WASF1: variants seen among roughly 807,000 people sequenced by gnomAD.
WASF1 encodes the protein actin-binding protein WASF1.
Under a neutral mutation model 50.5 loss-of-function variants are expected in WASF1, and 7 were observed. The ratio of observed to expected loss-of-function variants is 0.14; its 90% confidence interval spans 0.08 to 0.26. WASF1 has a LOEUF of 0.26. Ranked by LOEUF, WASF1 falls within the 10% of genes least tolerant of loss-of-function variation. The pLI is 1.00. For synonymous variants in WASF1, 205 were observed against 244.0 expected (o/e 0.84, Z 1.49); for missense variants, 470 against 694.7 (o/e 0.68, Z 3.64).
At chr6:110,122,239 C>CAAAAAA (rs55836821) in intron 4 of WASF1, among the ~76,000 whole-genome samples, 1 of 114,170 alleles carries the variant, frequency 8.8e-6, no homozygotes. Context: ...AAATGGAATC[C>CAAAAAA]AAAAAAAAAA....
chr6:110,143,747 T>C (rs1314571548), intron 3 of WASF1, among the ~76,000 whole-genome samples: 2 of 152,228 alleles, frequency 1.3e-5, no homozygotes, highest in Non-Finnish European at 2.9e-5. Flanking sequence ...AAGTGATTAA[T>C]TCTTTACATT....
At chr6:110,111,697 A>T (rs1213858515) in intron 5 of WASF1, among the ~76,000 whole-genome samples, 1 of 152,176 alleles carries the variant, frequency 6.6e-6, no homozygotes, top group Non-Finnish European at 1.5e-5. Flanking sequence ...AAATATCCAT[A>T]CAGACAGATC....
intron 2 of WASF1, among the ~76,000 whole-genome samples, chr6:110,163,743 TA>T (rs779365796): frequency 1.5e-4 from 23 of 151,590 alleles, no homozygotes; most frequent in Non-Finnish European, 3.0e-4. Context: ...TTCTAAAGTT[TA>T]TTATAGAGAG....
At chr6:110,142,791 T>C (rs1229158929) in intron 3 of WASF1, among the ~76,000 whole-genome samples, 1 of 152,022 alleles carries the variant, frequency 6.6e-6, no homozygotes, top group Non-Finnish European at 1.5e-5. Flanking sequence ...TAATTTAACA[T>C]CTTTTAATCC....
rs370972002 is a variant in WASF1 at position 110,137,225 on chromosome 6, A to T, written c.-28-9596T>A. Among the ~76,000 whole-genome samples the T allele has an allele frequency of 4.9e-4, 75 of 152,332 alleles. 2 individuals are homozygous for T. The South Asian group carries it at 0.01, about 21-fold the overall frequency. ...TTCCATAAAACCTATTAAATTCAAA[A>T]CATTCAAAACTGAATTCCTTATATT... On this transcript the variant is annotated intron_variant, in intron 3 of 10. Transcript: ENST00000392589.
At chr6:110,128,919 T>G (rs1774535526) in intron 3 of WASF1, among the ~76,000 whole-genome samples, 1 of 152,172 alleles carries the variant, frequency 6.6e-6, no homozygotes, top group Non-Finnish European at 1.5e-5. Context: ...ATGCTCCTTA[T>G]GAGAATCTAA....
In WASF1 at chr6:110,117,249, G is replaced by A. The variant is rs186226103; in HGVS notation, c.134-3789C>T. Among the ~76,000 whole-genome samples, 158 of 152,232 alleles carry A rather than the reference G, an allele frequency of 1.0e-3. 1 individual carries two copies. The highest frequency in any genetic ancestry group is 3.7e-3 in the African/African-American group (152 of 41,552). On this transcript the variant is annotated intron_variant, in intron 4 of 10. Coordinates refer to ENST00000392589, the MANE Select transcript of WASF1 (RefSeq NM_003931.3). Reference sequence around the variant, plus strand: ...GGAGCATGTTCTAACCAATTGCAAGGAAGCTAAAAACCTTGAAAAAAGCTT... The same window carrying A: ...GGAGCATGTTCTAACCAATTGCAAGAAAGCTAAAAACCTTGAAAAAAGCTT...
intron 3 of WASF1, among the ~76,000 whole-genome samples, chr6:110,135,400 T>C (rs529127308): frequency 6.6e-6 from 1 of 152,190 alleles, no homozygotes; most frequent in Non-Finnish European, 1.5e-5. Context: ...AAAGTTCCTA[T>C]TACTACCTGC....
chr6:110,102,495 C>T (rs1380193089), intron 9 of WASF1, among the ~76,000 whole-genome samples: 2 of 152,090 alleles, frequency 1.3e-5, no homozygotes, highest in African/African-American at 4.8e-5. Flanking sequence ...TTTATGCTTA[C>T]TTTAATAAAT....
At chr6:110,159,939 A>C (rs1476166898) in intron 3 of WASF1, among the ~76,000 whole-genome samples, 1 of 151,796 alleles carries the variant, frequency 6.6e-6, no homozygotes, top group Non-Finnish European at 1.5e-5. Flanking sequence ...ATACCTTGGG[A>C]AGCATCTATT....
At chr6:110,177,261 ACTT>A (rs1166711978) in intron 2 of WASF1, 2 of 152,056 alleles carry the variant, frequency 1.3e-5, no homozygotes, top group African/African-American at 4.8e-5. Context: ...TCAATATTCT[ACTT>A]ATTATCAAGT....
intron 4 of WASF1, among the ~76,000 whole-genome samples, chr6:110,120,141 T>C (rs1774027592): frequency 6.6e-6 from 1 of 152,148 alleles, no homozygotes; most frequent in Admixed American, 6.5e-5. Flanking sequence ...AAGACAATGA[T>C]GCCGTCTCTC....
chr6:110,177,090 G>T (rs1245827023), intron 2 of WASF1: 1 of 151,880 alleles, frequency 6.6e-6, no homozygotes, highest in East Asian at 1.9e-4. Flanking sequence ...TATTAAAACT[G>T]TCTCTGAATA....
At chr6:110,124,241 T>TCTCTCTCTCCTTCCTCTCTCTCC (rs1774294823) in intron 4 of WASF1, among the ~76,000 whole-genome samples, 2 of 32,746 alleles carry the variant, frequency 6.1e-5, no homozygotes, top group Non-Finnish European at 1.1e-4. Context: ...CTCTCCTCTC[T>TCTCTCTCTCCTTCCTCTCTCTCC]CTCTCTCTCT....
chr6:110,108,407 G>A, intron 6 of WASF1, 121 bp downstream of exon 6: 1 of 953,884 alleles, frequency 1.0e-6, no homozygotes, highest in Non-Finnish European at 1.5e-6. Context: ...CAAAGGTGGT[G>A]GACAGAGAGG....
At chr6:110,124,232 T>C (rs1774283842) in intron 4 of WASF1, among the ~76,000 whole-genome samples, 1 of 42,590 alleles carries the variant, frequency 2.3e-5, no homozygotes, top group Non-Finnish European at 3.8e-5. Flanking sequence ...CTCTCCTCTC[T>C]CTCCTCTCTC....
In WASF1 at chr6:110,101,674, A is replaced by G. The variant is rs1562159641; in HGVS notation, c.1436T>C (p.Ile479Thr). 1.2e-6 allele frequency: 2 copies of G among 1,614,076 alleles called. No individual in the cohort carries two copies. Among genetic ancestry groups the G allele is most frequent in the African/African-American group, 1.3e-5 (1 of 75,040 alleles). ...LMPPSPPSQV[I>T]PASEPKRHPS... is the part of the protein sequence containing the mutation. The stretch of plus-strand genomic sequence containing the variant: ...ATGGCGCTTTGGCTCAGAAGCAGGT[A>G]TAACTTGTGATGGAGGAGATGGAGG... The change falls in exon 10 of 11, where the codon ATA (isoleucine) becomes ACA (threonine). Residue 479 changes from isoleucine to threonine, a missense_variant. By Grantham distance (89) the Ile-to-Thr change is moderately conservative. Coordinates refer to ENST00000392589, the MANE Select transcript of WASF1 (RefSeq NM_003931.3).
chr6:110,158,558 T>TA (rs1776124039), intron 3 of WASF1, among the ~76,000 whole-genome samples: 1 of 130,928 alleles, frequency 7.6e-6, no homozygotes, highest in African/African-American at 3.3e-5. Flanking sequence ...CCATCTTGGC[T>TA]CTTCCCCTAA....
intron 3 of WASF1, among the ~76,000 whole-genome samples, chr6:110,140,563 T>G (rs1443477627): frequency 1.3e-5 from 2 of 152,160 alleles, no homozygotes; most frequent in East Asian, 3.9e-4. Context: ...TCTGACACTA[T>G]CTCCAGGTAG....
Sources: gnomAD v4.1 joint callset for allele counts (sites outside exome capture counted in the v4.1 genomes callset) on GRCh38, gnomAD v4.1.1 for gene constraint, MANE v1.5 for transcripts, NCBI Gene and HGNC (gene_info 2026-07-23, HGNC 2026-07-21) for gene names.